CLNK: variants seen among roughly 807,000 people sequenced by gnomAD.
CLNK encodes cytokine dependent hematopoietic cell linker, also known as cytokine-dependent hematopoietic cell linker.
Under a neutral mutation model 68.6 loss-of-function variants are expected in CLNK, and 74 were observed. The ratio of observed to expected loss-of-function variants is 1.08; its 90% confidence interval spans 0.89 to 1.31. The LOEUF is 1.31. CLNK is among the 50% of genes most tolerant of loss of function. The pLI is 0.00. For synonymous variants in CLNK, 198 were observed against 172.2 expected (o/e 1.15, Z -1.17); for missense variants, 553 against 515.3 (o/e 1.07, Z -0.71).
At chr4:10,646,958 T>C (rs1258005105) in intron 2 of CLNK, among the ~76,000 whole-genome samples, 1 of 152,222 alleles carries the variant, frequency 6.6e-6, no homozygotes, top group Non-Finnish European at 1.5e-5. Flanking sequence ...CAAGACAGCC[T>C]ATCCTTGGGT....
intron 14 of CLNK, among the ~76,000 whole-genome samples, chr4:10,523,752 T>G (rs960094445): frequency 6.6e-6 from 1 of 152,142 alleles, no homozygotes; most frequent in Admixed American, 6.6e-5. Context: ...GGGCCAGGCA[T>G]GGTGGCTCAT....
rs549844198 is a variant in CLNK at position 10,622,785 on chromosome 4, A to G, written c.12-24736T>C. Among the ~76,000 whole-genome samples, 166 of 152,290 alleles carry G rather than the reference A, an allele frequency of 1.1e-3. 1 individual carries two copies. The highest frequency in any genetic ancestry group is 4.4e-5 in the Non-Finnish European group (3 of 68,006). ...GGACTGGGTGGTTTGAATAATAAAC[A>G]TTTATTTCTCACAGTTCTGGTGGCT... On this transcript the variant is annotated intron_variant, in intron 2 of 18. Transcript: ENST00000226951.
At position 10,595,252 on chromosome 4, in the gene CLNK, G is replaced by A. The variant is rs7694378; in HGVS notation, c.83+2726C>T. Among the ~76,000 whole-genome samples, 9 of 152,132 alleles carry A rather than the reference G, an allele frequency of 5.9e-5. 1 individual carries two copies. The South Asian group carries it at 1.0e-3, about 18-fold the overall frequency. On this transcript the variant is annotated intron_variant, in intron 3 of 18. Coordinates refer to ENST00000226951, the MANE Select transcript of CLNK (RefSeq NM_052964.4). ...TTTCCCTATCTGTAAATGGGAATACGAATGCCTACTTCAAAGCATTATGGT... is the reference window on the plus strand; with the variant it reads ...TTTCCCTATCTGTAAATGGGAATACAAATGCCTACTTCAAAGCATTATGGT...
chr4:10,537,714 T>TCTTTCTTTCTTTCTTTCTTC (rs1718848668), intron 11 of CLNK, among the ~76,000 whole-genome samples: 2 of 84,260 alleles, frequency 2.4e-5, no homozygotes, highest in Admixed American at 1.3e-4. Flanking sequence ...TTCCTTTCTT[T>TCTTTCTTTCTTTCTTTCTTC]CTTTCTTTCT....
intron 1 of CLNK, among the ~76,000 whole-genome samples, chr4:10,677,636 T>C (rs896700228): frequency 2.6e-5 from 4 of 151,914 alleles, no homozygotes; most frequent in Admixed American, 6.6e-5. Context: ...TATAAGGCAG[T>C]TTTCCATGCT....
In CLNK at chr4:10,488,639, G is replaced by A. The variant is rs1716441960; in HGVS notation, c.*1828C>T. The A allele has an allele frequency of 6.6e-6, 1 of 152,188 alleles. No individual in the cohort carries two copies. Among genetic ancestry groups the A allele is most frequent in the African/African-American group, 2.4e-5 (1 of 41,444 alleles). The allele number at this position is 152,188 out of a possible 1,614,324, so 9.4% of individuals were successfully genotyped here. ...GCTCAGCTGGGTCTCAAAAGTTCCA[G>A]CTTTACAAATAGCTTCTTCATTAAA... On this transcript the variant is annotated 3_prime_UTR_variant, in exon 19 of 19. Coordinates refer to ENST00000226951, the MANE Select transcript of CLNK (RefSeq NM_052964.4).
intron 4 of CLNK, among the ~76,000 whole-genome samples, chr4:10,576,376 A>G (rs1720565589): frequency 6.6e-6 from 1 of 152,186 alleles, no homozygotes; most frequent in South Asian, 2.1e-4. Flanking sequence ...GGATGTGTGG[A>G]GGGTCATCCA....
At chr4:10,595,318 A>G (rs911382517) in intron 3 of CLNK, among the ~76,000 whole-genome samples, 3 of 152,198 alleles carry the variant, frequency 2.0e-5, no homozygotes, top group Non-Finnish European at 4.4e-5. Context: ...TTGGGTGCTC[A>G]GTTATTGAGT....
At chr4:10,676,989 T>A (rs915973050) in intron 1 of CLNK, among the ~76,000 whole-genome samples, 2 of 151,678 alleles carry the variant, frequency 1.3e-5, no homozygotes, top group Admixed American at 1.3e-4. Flanking sequence ...TATTTTTTTT[T>A]TTTTTGGCTT....
At chr4:10,519,036 C>A (rs1399514414) in intron 15 of CLNK, among the ~76,000 whole-genome samples, 1 of 152,184 alleles carries the variant, frequency 6.6e-6, no homozygotes, top group Non-Finnish European at 1.5e-5. Flanking sequence ...ACTCTGCATT[C>A]TTGGGGCCCA....
At chr4:10,510,341 C>G (rs1717525138) in intron 16 of CLNK, among the ~76,000 whole-genome samples, 1 of 152,198 alleles carries the variant, frequency 6.6e-6, no homozygotes, top group Non-Finnish European at 1.5e-5. Context: ...CATTTCTAAT[C>G]TCTTCTTTAA....
rs1156861393 is a variant in CLNK at position 10,592,407 on chromosome 4, G to C, written c.83+5571C>G. ...GTTTTAGCTCAGACATTCCTCTAGCGGGCAGAGCCACTCCTGAAATCCCTT... is the reference window on the plus strand; with the variant it reads ...GTTTTAGCTCAGACATTCCTCTAGCCGGCAGAGCCACTCCTGAAATCCCTT... On this transcript the variant is annotated intron_variant, in intron 3 of 18. Coordinates refer to ENST00000226951, the MANE Select transcript of CLNK (RefSeq NM_052964.4). Among the ~76,000 whole-genome samples, 5 of 152,206 alleles carry C rather than the reference G, an allele frequency of 3.3e-5. No homozygotes were observed. The East Asian group carries it at 7.7e-4, about 24-fold the overall frequency.
intron 1 of CLNK, among the ~76,000 whole-genome samples, chr4:10,682,946 T>A (rs757273201): frequency 6.6e-6 from 1 of 152,150 alleles, no homozygotes; most frequent in Non-Finnish European, 1.5e-5. Flanking sequence ...ATTGTGGTCA[T>A]GTTTTAAGAA....
the CLNK span, among the ~76,000 whole-genome samples, chr4:10,710,023 T>C: frequency 6.6e-6 from 1 of 152,226 alleles, no homozygotes; most frequent in African/African-American, 2.4e-5. Context: ...GTCTTTGATA[T>C]GGTGGTGTTT....
At chr4:10,631,307 C>A (rs1159745389) in intron 2 of CLNK, among the ~76,000 whole-genome samples, 1 of 152,154 alleles carries the variant, frequency 6.6e-6, no homozygotes, top group African/African-American at 2.4e-5. Flanking sequence ...CTGCCTTCTG[C>A]GGGAAGTCAT....
At chr4:10,656,979 T>C (rs1320266034) in intron 2 of CLNK, among the ~76,000 whole-genome samples, 4 of 152,210 alleles carry the variant, frequency 2.6e-5, no homozygotes, top group Non-Finnish European at 5.9e-5. Flanking sequence ...AAGATTTACA[T>C]AGCTCACATT....
intron 2 of CLNK, among the ~76,000 whole-genome samples, chr4:10,655,461 G>A (rs1378291321): frequency 3.3e-5 from 5 of 151,580 alleles, no homozygotes; most frequent in Non-Finnish European, 5.9e-5. Context: ...TGCTAGCTGG[G>A]GAATATAAAT....
At chr4:10,710,538 A>G in the CLNK span, among the ~76,000 whole-genome samples, 2 of 152,170 alleles carry the variant, frequency 1.3e-5, no homozygotes, top group Non-Finnish European at 2.9e-5. Flanking sequence ...TGGCTAGTTT[A>G]AAAGCATGAA....
At chr4:10,663,260 C>G (rs1724263829) in intron 2 of CLNK, among the ~76,000 whole-genome samples, 1 of 152,172 alleles carries the variant, frequency 6.6e-6, no homozygotes, top group African/African-American at 2.4e-5. Flanking sequence ...TAATGGATTG[C>G]TAGGGAAGCT....
Sources: gnomAD v4.1 joint callset for allele counts (sites outside exome capture counted in the v4.1 genomes callset) on GRCh38, gnomAD v4.1.1 for gene constraint, MANE v1.5 for transcripts, NCBI Gene and HGNC (gene_info 2026-07-23, HGNC 2026-07-21) for gene names.